DYRK2: variants seen among roughly 807,000 people sequenced by gnomAD.
DYRK2 encodes dual specificity tyrosine-phosphorylation-regulated kinase 2.
In DYRK2, 12 loss-of-function variants were observed where a neutral mutation model predicts 41.6. The observed-to-expected ratio is 0.29, with a 90% CI of 0.18 to 0.47. The LOEUF is 0.47. Ranked by LOEUF, DYRK2 falls within the 20% of genes least tolerant of loss-of-function variation. The probability of loss-of-function intolerance (pLI) is 1.00; values close to 1 mark genes in which losing one functional copy is unlikely to be tolerated. For synonymous variants in DYRK2, 322 were observed against 315.7 expected (o/e 1.02, Z -0.21); for missense variants, 678 against 798.4 (o/e 0.85, Z 1.82).
rs764808820 is a variant in DYRK2 at position 67,657,453 on chromosome 12, T to C, written c.546T>C (p.Tyr182=). Residue 182 remains tyrosine, a synonymous_variant, in exon 3 of 3, where the codon TAT becomes TAC. Transcript: ENST00000344096. The surrounding 1 kb of genome is among the most constrained non-coding windows in gnomAD (Gnocchi z 4.8). ...HHEIFSYPEI[Y]FLGLNAKKRQ... Reference sequence around the variant, plus strand: ...AGATTTTCAGCTACCCTGAAATATATTTCTTGGGTCTAAATGCTAAGAAGC... The same window carrying C: ...AGATTTTCAGCTACCCTGAAATATACTTCTTGGGTCTAAATGCTAAGAAGC... 6.8e-6 allele frequency: 11 copies of C among 1,614,150 alleles called. No individual in the cohort carries two copies. Among genetic ancestry groups the C allele is most frequent in the Non-Finnish European group, 8.5e-6 (10 of 1,180,026 alleles).
chr12:67,658,121 T>G lies in DYRK2; in HGVS notation c.1214T>G (p.Met405Arg). The change falls in exon 3 of 3, where the codon ATG becomes AGG. Residue 405 changes from methionine (M) to arginine (R), a missense_variant. Met to Arg is a moderately conservative substitution (Grantham distance 91, BLOSUM62 -1). Coordinates refer to ENST00000344096, the MANE Select transcript of DYRK2 (RefSeq NM_006482.3). This position sits in a 1 kb window ranked among gnomAD's most constrained non-coding sequence, Gnocchi z 4.3. ...GCCAGGTATGGCATGCCCATTGATA[T>G]GTGGAGCCTGGGCTGCATTTTAGCA... ...LGARYGMPID[M>R]WSLGCILAEL... 1 of 1,614,216 alleles carries G rather than the reference T, an allele frequency of 6.2e-7. No homozygotes were observed. The highest frequency in any genetic ancestry group is 8.5e-7 in the Non-Finnish European group (1 of 1,180,026).
chr12:67,650,011 G>C (rs1424607347), intron 2 of DYRK2, 66 bp downstream of exon 2: 6 of 1,273,728 alleles, frequency 4.7e-6, no homozygotes, highest in Non-Finnish European at 5.9e-6. Flanking sequence ...GAAGCACCCG[G>C]ACTTGGAGGG....
rs763444454 is a variant in DYRK2 at position 67,658,413 on chromosome 12, G to A, written c.1506G>A (p.Gly502=). ...GAGAGTGGGGGAACGCGCTGAAGGG[G>A]TGTGATGATCCCCTTTTCCTTGACT... The part of the protein sequence containing the change: ...ESREWGNALK[G]CDDPLFLDFL... The change falls in exon 3 of 3, where the codon GGG becomes GGA. Residue 502 remains glycine (G), a synonymous_variant. Coordinates refer to ENST00000344096, the MANE Select transcript of DYRK2 (RefSeq NM_006482.3). The surrounding 1 kb of genome is among the most constrained non-coding windows in gnomAD (Gnocchi z 4.3). 42 of 1,595,318 alleles carry A rather than the reference G, an allele frequency of 2.6e-5. No homozygotes were observed. The Admixed American group carries it at 5.0e-4, about 19-fold the overall frequency.
Position 67,662,930 on chromosome 12 carries a change from T to A in DYRK2, c.*4217T>A, listed in dbSNP as rs948540351. 1.3e-5 allele frequency: 2 copies of A among 152,148 alleles called. No homozygotes were observed. Among genetic ancestry groups the A allele is most frequent in the African/African-American group, 4.8e-5 (2 of 41,450 alleles). 9.4% of individuals were successfully genotyped at this position (152,148 alleles called of 1,614,324 possible). On this transcript the variant is annotated 3_prime_UTR_variant, in exon 3 of 3. Coordinates refer to ENST00000344096, the MANE Select transcript of DYRK2 (RefSeq NM_006482.3). ...TATTCTATTCCTTCACCTGTCAGATTTTTATGTTAACTTTTTTATATATAG... is the reference window on the plus strand; with the variant it reads ...TATTCTATTCCTTCACCTGTCAGATATTTATGTTAACTTTTTTATATATAG...
rs145398019 is a variant in DYRK2, at chr12:67,657,723, C to T, written c.816C>T (p.His272=). The change falls in exon 3 of 3, where the codon CAC becomes CAT. Residue 272 remains histidine (H), a synonymous_variant. Coordinates refer to ENST00000344096, the MANE Select transcript of DYRK2 (RefSeq NM_006482.3). This position sits in a 1 kb window ranked among gnomAD's most constrained non-coding sequence, Gnocchi z 4.8. ...QAAEEIRILE[H]LRKQDKDNTM... ...CGGAGGAGATCCGAATCCTGGAACA[C>T]CTGCGGAAGCAGGACAAGGATAACA... The T allele has an allele frequency of 2.5e-6, 4 of 1,614,028 alleles. No individual in the cohort carries two copies. In the African/African-American group the frequency reaches 4.0e-5, roughly 16 times the overall value.
chr12:67,651,487 C>G (rs1200790038), intron 2 of DYRK2: 1 of 432,828 alleles, frequency 2.3e-6, no homozygotes, highest in African/African-American at 2.0e-5. Flanking sequence ...CGACAAGTCT[C>G]CACTGGAGGG....
chr12:67,649,672 C>A, intron 1 of DYRK2, 125 bp from the exon 2 acceptor site: 2 of 1,113,868 alleles, frequency 1.8e-6, no homozygotes, highest in Non-Finnish European at 2.3e-6. Context: ...GTTTTTACTG[C>A]CCCGGTCTCT....
intron 2 of DYRK2, among the ~76,000 whole-genome samples, chr12:67,654,985 C>A (rs1872424829): frequency 6.6e-6 from 1 of 152,234 alleles, no homozygotes; most frequent in East Asian, 1.9e-4. Context: ...ACTCTTGAAT[C>A]CACCTAAGGT....
chr12:67,656,417 A>G (rs17801934), intron 2 of DYRK2, among the ~76,000 whole-genome samples: 39,920 of 152,150 alleles, frequency 0.26, 5,835 homozygotes, highest in East Asian at 0.36. Flanking sequence ...GTTGGGCTGA[A>G]TGCCTTAAAT....
Position 67,658,866 on chromosome 12 carries a change from C to T in DYRK2, c.*153C>T. The T allele has an allele frequency of 1.1e-6, 1 of 909,058 alleles. No homozygotes were observed. The highest frequency in any genetic ancestry group is 1.6e-6 in the Non-Finnish European group (1 of 632,762). 56.3% of individuals were successfully genotyped at this position (909,058 alleles called of 1,614,324 possible). ...TTAATTTTAATGTAAGAAAGTTGTT[C>T]ATTTTGTTTTTATAAAATACATGAG... On this transcript the variant is annotated 3_prime_UTR_variant, in exon 3 of 3. Coordinates refer to ENST00000344096, the MANE Select transcript of DYRK2 (RefSeq NM_006482.3). The surrounding 1 kb of genome is among the most constrained non-coding windows in gnomAD (Gnocchi z 4.3).
intron 2 of DYRK2, 117 bp downstream of exon 2, chr12:67,650,062 C>T (rs1461335332): frequency 9.1e-7 from 1 of 1,101,932 alleles, no homozygotes; most frequent in East Asian, 3.2e-5. Context: ...ACAAGCAGCC[C>T]CACGCCTCGG....
chr12:67,655,969 C>T (rs559977054), intron 2 of DYRK2, among the ~76,000 whole-genome samples: 16 of 152,340 alleles, frequency 1.1e-4, no homozygotes, highest in African/African-American at 3.4e-4. Flanking sequence ...GACTCTGTCA[C>T]TTTGGCAGCC....
rs1195464383 is a variant in DYRK2, at chr12:67,662,825, C to CT, written c.*4115dup. 2 of 152,550 alleles carry CT rather than the reference C, an allele frequency of 1.3e-5. No individual in the cohort carries two copies. Among genetic ancestry groups the CT allele is most frequent in the East Asian group, 3.9e-4 (2 of 5,186 alleles). The allele number at this position is 152,550 out of a possible 1,614,324, so 9.4% of individuals were successfully genotyped here. The stretch of plus-strand genomic sequence containing the variant: ...TTCTACTAGTTTGTTCATAGCAATA[C>CT]TTTATTAGTTCAATATAAGTATGCA... On this transcript the variant is annotated 3_prime_UTR_variant, in exon 3 of 3. Coordinates refer to ENST00000344096, the MANE Select transcript of DYRK2 (RefSeq NM_006482.3).
At position 67,657,296 on chromosome 12, in the gene DYRK2, T is replaced by G; in HGVS notation, c.389T>G (p.Ile130Ser). Residue 130 changes from isoleucine (I) to serine (S), a missense_variant, in exon 3 of 3, where the codon ATT (isoleucine) becomes AGT (serine). This residue lies in a region of DYRK2 where 285 missense variants were observed against 279.2 expected (regional missense o/e 1.02). Coordinates refer to ENST00000344096, the MANE Select transcript of DYRK2 (RefSeq NM_006482.3). This position sits in a 1 kb window ranked among gnomAD's most constrained non-coding sequence, Gnocchi z 4.8. ...PVVPERQLDS[I>S]HRRQGSSTSL... ...GTGCCAGAGCGGCAGCTGGACAGCATTCATAGACGGCAGGGGAGCTCCACC... is the reference window on the plus strand; with the variant it reads ...GTGCCAGAGCGGCAGCTGGACAGCAGTCATAGACGGCAGGGGAGCTCCACC... 1.9e-6 allele frequency: 3 copies of G among 1,613,868 alleles called. No homozygotes were observed. Among genetic ancestry groups the G allele is most frequent in the Non-Finnish European group, 2.5e-6 (3 of 1,179,910 alleles).
rs765295796 is a variant in DYRK2, at chr12:67,657,198, C to T, written c.291C>T (p.Asn97=). 37 of 1,613,708 alleles carry T rather than the reference C, an allele frequency of 2.3e-5. No homozygotes were observed. The highest frequency in any genetic ancestry group is 2.7e-5 in the Non-Finnish European group (32 of 1,179,904). ...QIQVQQLFED[N]SNKRTVLTTQ... Reference sequence around the variant, plus strand: ...AGGTTCAACAGTTGTTTGAGGATAACAGTAACAAGCGGACAGTGCTCACGA... The same window carrying T: ...AGGTTCAACAGTTGTTTGAGGATAATAGTAACAAGCGGACAGTGCTCACGA... Residue 97 remains asparagine, a synonymous_variant, in exon 3 of 3, where the codon AAC becomes AAT. Coordinates refer to ENST00000344096, the MANE Select transcript of DYRK2 (RefSeq NM_006482.3). The surrounding 1 kb of genome is among the most constrained non-coding windows in gnomAD (Gnocchi z 4.8).
In DYRK2 at chr12:67,660,045, T is replaced by A. The variant is rs1290619701; in HGVS notation, c.*1332T>A. The stretch of plus-strand genomic sequence containing the variant: ...AACTGAGAGTTTGGTAAAAGAATAT[T>A]TTCTTCTCTGAATAATAATTATTTT... On this transcript the variant is annotated 3_prime_UTR_variant, in exon 3 of 3. Coordinates refer to ENST00000344096, the MANE Select transcript of DYRK2 (RefSeq NM_006482.3). 6.0e-6 allele frequency: 1 copy of A among 167,098 alleles called. No homozygotes were observed. Among genetic ancestry groups the A allele is most frequent in the Non-Finnish European group, 1.5e-5 (1 of 68,120 alleles). The allele number at this position is 167,098 out of a possible 1,614,324, so 10.4% of individuals were successfully genotyped here.
In DYRK2 at chr12:67,663,849, A is replaced by G. The variant is rs1304453941; in HGVS notation, c.*5136A>G. 1 of 152,208 alleles carries G rather than the reference A, an allele frequency of 6.6e-6. No individual in the cohort carries two copies. The highest frequency in any genetic ancestry group is 1.5e-5 in the Non-Finnish European group (1 of 68,026). 9.4% of individuals were successfully genotyped at this position (152,208 alleles called of 1,614,324 possible). On this transcript the variant is annotated 3_prime_UTR_variant, in exon 3 of 3. Coordinates refer to ENST00000344096, the MANE Select transcript of DYRK2 (RefSeq NM_006482.3). ...TACAGTCCTATCCCTTTTGGAATGA[A>G]CAGCTACACAAATAAATATTCTTGG... is the stretch of plus-strand genomic sequence containing the variant.
rs1160822727 is a variant in DYRK2, at chr12:67,664,156, C to T, written c.*5443C>T. The T allele has an allele frequency of 1.3e-5, 2 of 152,110 alleles. No homozygotes were observed. The highest frequency in any genetic ancestry group is 1.5e-5 in the Non-Finnish European group (1 of 68,006). The allele number at this position is 152,110 out of a possible 1,614,324, so 9.4% of individuals were successfully genotyped here. A position where few individuals can be genotyped will look rare whatever the true frequency, so the allele number is the denominator to read the frequency against. ...GTGTTGCACATACATAAGAAAATTA[C>T]ATCTTACTGCGAAGTCTTTGGTTTG... is the stretch of plus-strand genomic sequence containing the variant. On this transcript the variant is annotated 3_prime_UTR_variant, in exon 3 of 3. Coordinates refer to ENST00000344096, the MANE Select transcript of DYRK2 (RefSeq NM_006482.3).
At position 67,661,147 on chromosome 12, in the gene DYRK2, C is replaced by G. The variant is rs1181048136; in HGVS notation, c.*2434C>G. 2.4e-5 allele frequency: 4 copies of G among 166,072 alleles called. No individual in the cohort carries two copies. The highest frequency in any genetic ancestry group is 4.9e-5 in the African/African-American group (2 of 41,132). 10.3% of individuals were successfully genotyped at this position (166,072 alleles called of 1,614,324 possible). On this transcript the variant is annotated 3_prime_UTR_variant, in exon 3 of 3. Transcript: ENST00000344096. ...AGTGAAATTTTTTTATTCACAAGAGCTGCCACATCTCAGCATTTAGTAATA... is the reference window on the plus strand; with the variant it reads ...AGTGAAATTTTTTTATTCACAAGAGGTGCCACATCTCAGCATTTAGTAATA...
Sources: gnomAD v4.1 joint callset for allele counts (sites outside exome capture counted in the v4.1 genomes callset) on GRCh38, gnomAD v4.1.1 for gene constraint, gnomAD v4.1.1 regional missense constraint, Gnocchi (gnomAD v3.1) non-coding constraint, MANE v1.5 for transcripts, NCBI Gene and HGNC (gene_info 2026-07-23, HGNC 2026-07-21) for gene names.